Variants in ADAMTS17 observed in about 807,000 individuals in gnomAD.
ADAMTS17 encodes ADAM metallopeptidase with thrombospondin type 1 motif 17.
In ADAMTS17, 113 loss-of-function variants were observed where a neutral mutation model predicts 141.5. That is an observed-to-expected ratio of 0.80 (90% CI 0.69 to 0.93). The LOEUF (loss-of-function observed/expected upper bound fraction) is 0.93. Among genes scored for constraint, ADAMTS17 ranks in the 40% least tolerant of loss-of-function variants. The probability of loss-of-function intolerance (pLI) is 0.00; values close to 1 mark genes in which losing one functional copy is unlikely to be tolerated. For missense variants in ADAMTS17, 1,659 were observed against 1,517.9 expected (o/e 1.09, Z -1.54); for synonymous variants, 768 against 630.6 (o/e 1.22, Z -3.27).
chr15:100,063,610 A>G (rs892345830), intron 15 of ADAMTS17: 9 of 1,265,516 alleles, frequency 7.1e-6, no homozygotes, highest in South Asian at 3.7e-5. Context: ...CACTGAACCA[A>G]TTTACCAGAC....
intron 7 of ADAMTS17, among the ~76,000 whole-genome samples, chr15:100,227,130 G>A (rs71405368): frequency 0.062 from 9,388 of 152,092 alleles, 425 homozygotes; most frequent in Non-Finnish European, 0.094. Flanking sequence ...GATGAACCCC[G>A]AGTGCCCCCT....
At chr15:100,113,069 A>C (rs548560612) in intron 13 of ADAMTS17, among the ~76,000 whole-genome samples, 32 of 151,728 alleles carry the variant, frequency 2.1e-4, no homozygotes, top group Non-Finnish European at 3.7e-4. Context: ...GGCTACTCAG[A>C]CTCCTGTTCC....
chr15:100,193,119 C>T (rs2040980501), intron 8 of ADAMTS17, among the ~76,000 whole-genome samples: 1 of 152,264 alleles, frequency 6.6e-6, no homozygotes, highest in African/African-American at 2.4e-5. Context: ...CCCCACCTGC[C>T]CTCTGGCCTT....
chr15:100,162,771 CAT>C lies in ADAMTS17; in HGVS notation c.1182-7453_1182-7452del, dbSNP rs202173434. 6.1e-3 allele frequency among the ~76,000 whole-genome samples: 887 copies of C among 144,316 alleles called. 75 individuals carry two copies. The East Asian group carries it at 0.076, about 12-fold the overall frequency. 94.7% of individuals were successfully genotyped at this position (144,316 alleles called of 152,430 possible). ...CACATTATATATAGGCACATATACA[CAT>C]ATATATACATATGCACATATACACA... On this transcript the variant is annotated intron_variant, in intron 8 of 21. Coordinates refer to ENST00000268070, the MANE Select transcript of ADAMTS17 (RefSeq NM_139057.4).
Position 99,997,695 on chromosome 15 carries a change from G to T in ADAMTS17, c.2592-106C>A. The T allele has an allele frequency of 1.4e-6, 2 of 1,422,056 alleles. No individual in the cohort carries two copies. The highest frequency in any genetic ancestry group is 2.3e-5 in the East Asian group (1 of 43,446). 88.1% of individuals were successfully genotyped at this position (1,422,056 alleles called of 1,614,324 possible). A position where few individuals can be genotyped will look rare whatever the true frequency, so the allele number is the denominator to read the frequency against. ...AATTGCTGCCCTGTGGTGGGAGAGA[G>T]GGAGGCAGACTCAGGAAGCTTTTCA... On this transcript the variant is annotated intron_variant, in intron 18 of 21. Coordinates refer to ENST00000268070, the MANE Select transcript of ADAMTS17 (RefSeq NM_139057.4). The surrounding 1 kb of genome is among the most constrained non-coding windows in gnomAD (Gnocchi z 4.7).
intron 4 of ADAMTS17, among the ~76,000 whole-genome samples, chr15:100,267,293 C>T (rs530895377): frequency 4.4e-4 from 67 of 152,168 alleles, no homozygotes; most frequent in African/African-American, 1.3e-3. Context: ...CATGCTGTGG[C>T]GTGTGTGGGA....
At position 100,341,879 on chromosome 15, in the gene ADAMTS17, C is replaced by A; in HGVS notation, c.21G>T (p.Leu7=). The A allele has an allele frequency of 6.4e-7, 1 of 1,551,888 alleles. No individual in the cohort carries two copies. The highest frequency in any genetic ancestry group is 8.7e-7 in the Non-Finnish European group (1 of 1,147,746). The change falls in exon 1 of 22, where the codon CTG becomes CTT. Residue 7 remains leucine (L), a synonymous_variant. Transcript: ENST00000268070. ...GCAGCACGGGCAGGACGAGCGGAGG[C>A]AGCAGGGCGCCGTCACACATGGTAC... MCDGAL[L]PPLVLPVLLL... is the part of the protein sequence containing the mutation.
Position 100,155,277 on chromosome 15 carries a change from T to A in ADAMTS17, c.1225A>T (p.Arg409Trp). ...HDDDHSSCAG[R>W]SHIMSGEWVK... ...CACTCTCCTGACATGATGTGGGACC[T>A]GCCAGCGCAAGATGAGTGGTCATCG... The change falls in exon 9 of 22, where the codon AGG becomes TGG. Residue 409 changes from arginine (R) to tryptophan (W), a missense_variant. Coordinates refer to ENST00000268070, the MANE Select transcript of ADAMTS17 (RefSeq NM_139057.4). 6.2e-7 allele frequency: 1 copy of A among 1,614,210 alleles called. No individual in the cohort carries two copies. Among genetic ancestry groups the A allele is most frequent in the Non-Finnish European group, 8.5e-7 (1 of 1,180,026 alleles).
intron 15 of ADAMTS17, among the ~76,000 whole-genome samples, chr15:100,094,686 A>G (rs531715073): frequency 1.3e-5 from 2 of 152,300 alleles, no homozygotes; most frequent in East Asian, 3.9e-4. Context: ...GCTCAGTACA[A>G]TGTTCAATTT....
At chr15:100,260,638 AAAAAC>A (rs946446725) in intron 6 of ADAMTS17, among the ~76,000 whole-genome samples, 103 of 152,096 alleles carry the variant, frequency 6.8e-4, no homozygotes, top group African/African-American at 2.4e-3. Context: ...CCAAAAAACA[AAAAAC>A]AAAACAAAAC....
chr15:100,162,376 T>A (rs1247279963), intron 8 of ADAMTS17, among the ~76,000 whole-genome samples: 2 of 147,706 alleles, frequency 1.4e-5, no homozygotes, highest in African/African-American at 4.9e-5. Context: ...GTTATATATA[T>A]GTTATATATA....
chr15:99,994,153 C>A (rs567183364), intron 19 of ADAMTS17, among the ~76,000 whole-genome samples: 1 of 152,268 alleles, frequency 6.6e-6, no homozygotes, highest in East Asian at 1.9e-4. Flanking sequence ...ACAAAACTCA[C>A]AAACAAGTTG....
chr15:100,226,294 A>G (rs1246864668), intron 7 of ADAMTS17, among the ~76,000 whole-genome samples: 1 of 152,256 alleles, frequency 6.6e-6, no homozygotes, highest in Non-Finnish European at 1.5e-5. Flanking sequence ...TGGAGTTCCC[A>G]GGGAGGCCAC....
chr15:100,089,612 G>A (rs1467347570), intron 15 of ADAMTS17, among the ~76,000 whole-genome samples: 8 of 151,706 alleles, frequency 5.3e-5, no homozygotes, highest in African/African-American at 1.9e-4. Flanking sequence ...ACTGGATTAA[G>A]AAAATGTGGC....
intron 8 of ADAMTS17, among the ~76,000 whole-genome samples, chr15:100,179,971 T>C (rs1446057746): frequency 6.6e-6 from 1 of 152,330 alleles, no homozygotes; most frequent in East Asian, 1.9e-4. Flanking sequence ...TCCCATTCTG[T>C]GGGGTGTCTC....
chr15:100,070,077 A>G (rs2033857966), intron 15 of ADAMTS17, among the ~76,000 whole-genome samples: 1 of 150,266 alleles, frequency 6.7e-6, no homozygotes, highest in African/African-American at 2.5e-5. Context: ...AAACAAAAAA[A>G]GGCAGGGGTT....
chr15:100,000,123 T>C (rs898689326), intron 18 of ADAMTS17, among the ~76,000 whole-genome samples: 3 of 152,178 alleles, frequency 2.0e-5, no homozygotes, highest in Non-Finnish European at 4.4e-5. Flanking sequence ...AACTCTTAGC[T>C]ATCATTGCTG....
intron 15 of ADAMTS17, among the ~76,000 whole-genome samples, chr15:100,092,469 T>C (rs2035529288): frequency 6.6e-6 from 1 of 152,258 alleles, no homozygotes; most frequent in Non-Finnish European, 1.5e-5. Flanking sequence ...ATCACACATG[T>C]GGATACCTTC....
At chr15:100,027,137 C>A (rs2061530979) in intron 18 of ADAMTS17, among the ~76,000 whole-genome samples, 1 of 152,194 alleles carries the variant, frequency 6.6e-6, no homozygotes, top group Non-Finnish European at 1.5e-5. Flanking sequence ...CTTTGTCTCT[C>A]TTTCCTAATC....
Sources: allele counts gnomAD v4.1 joint callset (sites outside exome capture counted in the v4.1 genomes callset), GRCh38; gene constraint gnomAD v4.1.1; non-coding constraint Gnocchi (gnomAD v3.1); transcripts MANE v1.5; gene names NCBI Gene and HGNC (gene_info 2026-07-23, HGNC 2026-07-21).